Variants in CCDC43 observed in about 807,000 individuals in gnomAD.
The protein encoded by CCDC43 is coiled-coil domain containing 43.
In CCDC43, 20 loss-of-function variants were observed where a neutral mutation model predicts 33.3. The ratio of observed to expected loss-of-function variants is 0.60; its 90% CI spans 0.42 to 0.87. The LOEUF (loss-of-function observed/expected upper bound fraction) is 0.87. CCDC43 is among the 40% of genes least tolerant of loss of function. CCDC43 has a pLI of 0.00. For synonymous variants in CCDC43, 104 were observed against 106.5 expected, an observed-to-expected ratio of 0.98 and a Z score of 0.14; for missense variants, 248 against 269.9, an observed-to-expected ratio of 0.92 and a Z score of 0.57.
At chr17:44,683,242 A>G (rs1490184615) in intron 2 of CCDC43, among the ~76,000 whole-genome samples, 1 of 152,172 alleles carries the variant, frequency 6.6e-6, no homozygotes, top group African/African-American at 2.4e-5. Flanking sequence ...AAATGACAAC[A>G]TGAGGCAGGG....
At chr17:44,679,987 T>A (rs1254100744) in intron 4 of CCDC43, among the ~76,000 whole-genome samples, 1 of 152,110 alleles carries the variant, frequency 6.6e-6, no homozygotes, top group East Asian at 1.9e-4. Flanking sequence ...ATTATTTTAT[T>A]ATTTTTTGAG....
Position 44,678,041 on chromosome 17 carries a change from G to A in CCDC43, c.*815C>T, listed in dbSNP as rs1452926048. On this transcript the variant is annotated 3_prime_UTR_variant, in exon 5 of 5. Transcript: ENST00000315286. ...ATCTTGGTGTTAGCAGAAATTTCCA[G>A]TGTTTCTTCCTTAAAAGGGTGATTT... 2.6e-5 allele frequency: 4 copies of A among 152,538 alleles called. No homozygotes were observed. The highest frequency in any genetic ancestry group is 7.2e-5 in the African/African-American group (3 of 41,390). The allele number at this position is 152,538 out of a possible 1,614,324, so 9.4% of individuals were successfully genotyped here. A position where few individuals can be genotyped will look rare whatever the true frequency, so the allele number is the denominator to read the frequency against.
chr17:44,678,799 C>T lies in CCDC43; in HGVS notation c.*57G>A. On this transcript the variant is annotated 3_prime_UTR_variant, in exon 5 of 5. Coordinates refer to ENST00000315286, the MANE Select transcript of CCDC43 (RefSeq NM_144609.3). ...AATGCACTCTCATTTCTCTTAAATA[C>T]ACAACCAGTTCTCCCTTTGATAAGT... The T allele has an allele frequency of 2.0e-6, 3 of 1,517,240 alleles. No individual in the cohort carries two copies. Among genetic ancestry groups the T allele is most frequent in the Non-Finnish European group, 2.7e-6 (3 of 1,121,870 alleles). The allele number at this position is 1,517,240 out of a possible 1,614,324, so 94.0% of individuals were successfully genotyped here.
chr17:44,680,728 A>C, intron 3 of CCDC43, 85 bp from the exon 4 acceptor site: 1 of 972,256 alleles, frequency 1.0e-6, no homozygotes, highest in Non-Finnish European at 1.7e-6. Flanking sequence ...AAGTAGGAAA[A>C]GCACACTGAA....
chr17:44,681,865 G>T, intron 3 of CCDC43, 138 bp downstream of exon 3: 1 of 926,838 alleles, frequency 1.1e-6, no homozygotes, highest in Non-Finnish European at 1.7e-6. Flanking sequence ...ATCCACAAAG[G>T]GCCATAGATT....
intron 2 of CCDC43, 147 bp from the exon 3 acceptor site, chr17:44,682,285 G>A (rs1219537939): frequency 4.4e-6 from 4 of 910,394 alleles, no homozygotes; most frequent in Non-Finnish European, 6.6e-6. Flanking sequence ...TGGCTCGGGG[G>A]CCATTGAGAA....
In CCDC43 at chr17:44,677,479, T is replaced by G. The variant is rs1362839283; in HGVS notation, c.*1377A>C. 2.6e-5 allele frequency: 4 copies of G among 152,050 alleles called. No individual in the cohort carries two copies. The allele number at this position is 152,050 out of a possible 1,614,324, so 9.4% of individuals were successfully genotyped here. The stretch of plus-strand genomic sequence containing the variant: ...ATTTATTTTTTTAAAGGTGGTTATT[T>G]TTATTTTTTGCAATGCCACAGTTAT... On this transcript the variant is annotated 3_prime_UTR_variant, in exon 5 of 5. Coordinates refer to ENST00000315286, the MANE Select transcript of CCDC43 (RefSeq NM_144609.3).
intron 1 of CCDC43, among the ~76,000 whole-genome samples, chr17:44,688,774 G>A (rs1448971762): frequency 6.6e-6 from 1 of 152,244 alleles, no homozygotes; most frequent in African/African-American, 2.4e-5. Context: ...AGTCTAATAA[G>A]TGTGTATGTT....
rs560140496 is a variant in CCDC43, at chr17:44,683,757, A to T, written c.292+115T>A. On this transcript the variant is annotated intron_variant, in intron 2 of 4. Coordinates refer to ENST00000315286, the MANE Select transcript of CCDC43 (RefSeq NM_144609.3). ...TGTTGGGTGTTTGCCAGTGTACACTATCTTCGGGAAAATGAGCATCCAAGG... is the reference window on the plus strand; with the variant it reads ...TGTTGGGTGTTTGCCAGTGTACACTTTCTTCGGGAAAATGAGCATCCAAGG... 4.3e-6 allele frequency: 3 copies of T among 705,156 alleles called. No homozygotes were observed. In the East Asian group the frequency reaches 8.1e-5, roughly 19 times the overall value. The allele number at this position is 705,156 out of a possible 1,614,324, so 43.7% of individuals were successfully genotyped here. A position where few individuals can be genotyped will look rare whatever the true frequency, so the allele number is the denominator to read the frequency against.
In CCDC43 at chr17:44,689,720, G is replaced by C. The variant is rs770767662; in HGVS notation, c.34C>G (p.Pro12Ala). The change falls in exon 1 of 5, where the codon CCT becomes GCT. Residue 12 changes from proline to alanine, a missense_variant. By Grantham distance (27) the Pro-to-Ala change is conservative. Transcript: ENST00000315286. ...AAPSEVAAIA[P>A]GEGDGGGGGF... The stretch of plus-strand genomic sequence containing the variant: ...CCGCCTCCGCCATCGCCTTCGCCAG[G>C]GGCTATCGCGGCCACTTCGCTGGGC... 8.2e-6 allele frequency: 13 copies of C among 1,586,722 alleles called. No homozygotes were observed. The East Asian group carries it at 3.0e-4, about 37-fold the overall frequency.
chr17:44,683,830 G>A (rs771249020), intron 2 of CCDC43, 42 bp downstream of exon 2: 1 of 1,374,588 alleles, frequency 7.3e-7, no homozygotes, highest in Admixed American at 1.7e-5. Context: ...CAAGGCTGCT[G>A]GAAAAGGCTC....
chr17:44,682,724 C>T lies in CCDC43; in HGVS notation c.293-586G>A, dbSNP rs1169956731. Among the ~76,000 whole-genome samples the T allele has an allele frequency of 3.9e-5, 6 of 152,038 alleles. No homozygotes were observed. In the East Asian group the frequency reaches 7.7e-4, roughly 20 times the overall value. On this transcript the variant is annotated intron_variant, in intron 2 of 4. Coordinates refer to ENST00000315286, the MANE Select transcript of CCDC43 (RefSeq NM_144609.3). ...TACAAAAATTAGCCAGGCGTGGTGA[C>T]GGGCGCCTGTAGTCCCAGCTACTCG...
intron 4 of CCDC43, among the ~76,000 whole-genome samples, chr17:44,679,632 T>C (rs1279625773): frequency 6.6e-6 from 1 of 152,178 alleles, no homozygotes; most frequent in Non-Finnish European, 1.5e-5. Context: ...CAGTGGCTCA[T>C]GCCTGTAATC....
intron 2 of CCDC43, among the ~76,000 whole-genome samples, chr17:44,683,153 T>C (rs139575838): frequency 5.9e-4 from 90 of 152,336 alleles, no homozygotes; most frequent in African/African-American, 2.0e-3. Context: ...GGTGGGTATA[T>C]TCGCCCATTT....
chr17:44,681,220 T>C (rs1313993440), intron 3 of CCDC43, among the ~76,000 whole-genome samples: 2 of 151,910 alleles, frequency 1.3e-5, no homozygotes, highest in African/African-American at 2.4e-5. Context: ...AGGCAGATCA[T>C]GAGGTCAGGA....
chr17:44,684,085 C>T, intron 1 of CCDC43, 126 bp from the exon 2 acceptor site: 1 of 652,244 alleles, frequency 1.5e-6, no homozygotes, highest in Non-Finnish European at 2.7e-6. Context: ...CTGGGAGCCA[C>T]AATAGAGTAT....
chr17:44,680,702 C>T (rs1373157536), intron 3 of CCDC43, 59 bp from the exon 4 acceptor site: 8 of 1,282,528 alleles, frequency 6.2e-6, no homozygotes, highest in African/African-American at 1.5e-5. Flanking sequence ...CATTAGAAAA[C>T]ATTCAATAGA....
intron 2 of CCDC43, among the ~76,000 whole-genome samples, chr17:44,682,748 C>T (rs1447593960): frequency 2.6e-5 from 4 of 151,704 alleles, no homozygotes; most frequent in African/African-American, 9.7e-5. Flanking sequence ...CCCAGCTACT[C>T]GGGAGGCTGA....
intron 1 of CCDC43, among the ~76,000 whole-genome samples, chr17:44,684,382 T>C (rs1972204641): frequency 1.3e-5 from 2 of 152,226 alleles, no homozygotes; most frequent in African/African-American, 4.8e-5. Context: ...TCACCTCACA[T>C]ATTTCTCATT....
Sources: gnomAD v4.1 joint callset for allele counts (sites outside exome capture counted in the v4.1 genomes callset) on GRCh38, gnomAD v4.1.1 for gene constraint, MANE v1.5 for transcripts, NCBI Gene and HGNC (gene_info 2026-07-23, HGNC 2026-07-21) for gene names.